Variants in SLC4A10 observed in about 807,000 individuals in gnomAD.
SLC4A10 encodes sodium-driven chloride bicarbonate exchanger.
A neutral mutation model predicts 137.7 loss-of-function variants in SLC4A10; 42 were observed. The ratio of observed to expected loss-of-function variants is 0.30; its 90% CI spans 0.24 to 0.39. SLC4A10 has a LOEUF of 0.39. SLC4A10 is among the 10% of genes least tolerant of loss of function. SLC4A10 has a pLI of 1.00. For synonymous variants in SLC4A10, 474 were observed against 464.1 expected (o/e 1.02, Z -0.27); for missense variants, 925 against 1,355.0 (o/e 0.68, Z 4.98).
rs774783520 is a variant in SLC4A10 at position 161,740,290 on chromosome 2, G to A, written c.49-30683G>A. Reference sequence around the variant, plus strand: ...TCCATCAGCTCCTCACACAATTCCAGAGTCAGTCCTAGTACACAAGTCCAG... The same window carrying A: ...TCCATCAGCTCCTCACACAATTCCAAAGTCAGTCCTAGTACACAAGTCCAG... On this transcript the variant is annotated intron_variant, in intron 1 of 26. Transcript: ENST00000446997. Among the ~76,000 whole-genome samples the A allele has an allele frequency of 5.9e-5, 9 of 152,230 alleles. 1 individual carries two copies. The highest frequency in any genetic ancestry group is 4.2e-4 in the South Asian group (2 of 4,816).
At chr2:161,767,989 G>A (rs1048113293) in intron 1 of SLC4A10, among the ~76,000 whole-genome samples, 4 of 151,966 alleles carry the variant, frequency 2.6e-5, no homozygotes, top group Admixed American at 6.6e-5. Flanking sequence ...TTAGATCAGA[G>A]TCATATTCTT....
chr2:161,674,042 T>A (rs2040024660), intron 1 of SLC4A10, among the ~76,000 whole-genome samples: 1 of 152,136 alleles, frequency 6.6e-6, no homozygotes, highest in Admixed American at 6.6e-5. Flanking sequence ...AATCCACATT[T>A]AAAAATAGGT....
chr2:161,819,548 G>T (rs1053412695), intron 3 of SLC4A10, among the ~76,000 whole-genome samples: 1 of 151,292 alleles, frequency 6.6e-6, no homozygotes, highest in African/African-American at 2.4e-5. Context: ...AGGCTGCAGT[G>T]CTGTAGCACA....
chr2:161,708,532 T>C (rs1257502987), intron 1 of SLC4A10, among the ~76,000 whole-genome samples: 1 of 151,572 alleles, frequency 6.6e-6, no homozygotes, highest in East Asian at 1.9e-4. Context: ...GCTTACAGTT[T>C]TCAGACAGCA....
chr2:161,722,246 G>T (rs1423180452), intron 1 of SLC4A10, among the ~76,000 whole-genome samples: 2 of 152,182 alleles, frequency 1.3e-5, no homozygotes, highest in African/African-American at 2.4e-5. Flanking sequence ...GTGATCATTT[G>T]GAGGAGAGAG....
chr2:161,708,717 G>T (rs1398402945), intron 1 of SLC4A10: 2 of 1,528,078 alleles, frequency 1.3e-6, no homozygotes, highest in East Asian at 4.9e-5. Context: ...GAGACATAGA[G>T]ATGGCTGTGA....
intron 3 of SLC4A10, among the ~76,000 whole-genome samples, chr2:161,833,927 T>A (rs528181457): frequency 6.6e-6 from 1 of 152,354 alleles, no homozygotes; most frequent in African/African-American, 2.4e-5. Context: ...GTTTGGTCAC[T>A]GAATGTGGCT....
intron 1 of SLC4A10, among the ~76,000 whole-genome samples, chr2:161,744,682 A>G (rs7561567): frequency 0.27 from 41,435 of 152,040 alleles, 7,299 homozygotes; most frequent in Non-Finnish European, 0.4. Flanking sequence ...CTGACTGTAA[A>G]CGCAAACAAA....
At chr2:161,899,890 A>C (rs1009352307) in intron 11 of SLC4A10, among the ~76,000 whole-genome samples, 13 of 152,134 alleles carry the variant, frequency 8.5e-5, no homozygotes, top group African/African-American at 3.1e-4. Context: ...ATATTAAGCA[A>C]TAAACTTTCT....
chr2:161,690,453 C>T (rs1472718761), intron 1 of SLC4A10, among the ~76,000 whole-genome samples: 1 of 152,070 alleles, frequency 6.6e-6, no homozygotes, highest in Non-Finnish European at 1.5e-5. Context: ...GCTACATACC[C>T]AAAGGAATAT....
At chr2:161,696,472 C>A (rs1452932602) in intron 1 of SLC4A10, among the ~76,000 whole-genome samples, 8 of 89,326 alleles carry the variant, frequency 9.0e-5, no homozygotes, top group African/African-American at 3.8e-4. Flanking sequence ...CACCCCACAA[C>A]AGTCCCCAGA....
intron 15 of SLC4A10, among the ~76,000 whole-genome samples, chr2:161,912,196 T>C (rs192230702): frequency 3.3e-5 from 5 of 152,292 alleles, no homozygotes; most frequent in Admixed American, 3.3e-4. Context: ...TTACTCTTCG[T>C]ATCTACTTTC....
At chr2:161,905,588 A>G (rs896353738) in intron 14 of SLC4A10, 54 bp from the exon 15 acceptor site, 6 of 1,527,530 alleles carry the variant, frequency 3.9e-6, no homozygotes, top group Non-Finnish European at 4.4e-6. Flanking sequence ...TTAAAATGAT[A>G]GCAAGCTGTT....
intron 15 of SLC4A10, among the ~76,000 whole-genome samples, chr2:161,934,571 G>A (rs1691227916): frequency 1.3e-5 from 2 of 151,862 alleles, no homozygotes; most frequent in Non-Finnish European, 2.9e-5. Flanking sequence ...TCATCTGTTG[G>A]TGAATACTTA....
Position 161,845,911 on chromosome 2 carries a change from A to G in SLC4A10, c.416+5984A>G, listed in dbSNP as rs2059462250. On this transcript the variant is annotated intron_variant, in intron 4 of 26. Transcript: ENST00000446997. Reference sequence around the variant, plus strand: ...ATATTAGATAAAATCTTCAGGACCTAGGGCTAGGTGGCAAGTTTTTAGACA... The same window carrying G: ...ATATTAGATAAAATCTTCAGGACCTGGGGCTAGGTGGCAAGTTTTTAGACA... Among the ~76,000 whole-genome samples the G allele has an allele frequency of 2.6e-5, 4 of 152,280 alleles. No individual in the cohort carries two copies. The South Asian group carries it at 6.2e-4, about 24-fold the overall frequency.
intron 3 of SLC4A10, among the ~76,000 whole-genome samples, chr2:161,825,124 A>G (rs1032179242): frequency 6.6e-6 from 1 of 152,216 alleles, no homozygotes; most frequent in Admixed American, 6.5e-5. Flanking sequence ...TGACTATGTT[A>G]TCATTAAGGC....
rs1233137183 is a variant in SLC4A10, at chr2:161,965,107, A to C, written c.3093A>C (p.Glu1031Asp). 3 of 1,612,754 alleles carry C rather than the reference A, an allele frequency of 1.9e-6. No homozygotes were observed. The South Asian group carries it at 3.3e-5, about 18-fold the overall frequency. Reference sequence around the variant, plus strand: ...TGGACTTGTTGTTCACGAAGCGGGAACTCAGCTGGTTGGATGATTTGATGC... The same window carrying C: ...TGGACTTGTTGTTCACGAAGCGGGACCTCAGCTGGTTGGATGATTTGATGC... Reference protein sequence around the residue: ...KLMDLLFTKRELSWLDDLMPE... With the variant: ...KLMDLLFTKRDLSWLDDLMPE... The change falls in exon 23 of 27, where the codon GAA (glutamate) becomes GAC (aspartate). Residue 1031 changes from glutamate (E) to aspartate (D), a missense_variant. Around this residue, in one of 11 missense-constraint regions of SLC4A10, gnomAD observed 115 missense variants for 237.5 expected, o/e 0.48. Transcript: ENST00000446997.
chr2:161,659,412 G>A (rs1467915159), intron 1 of SLC4A10, among the ~76,000 whole-genome samples: 2 of 152,164 alleles, frequency 1.3e-5, no homozygotes, highest in African/African-American at 4.8e-5. Flanking sequence ...GGGAGTGAGT[G>A]ATGAGAAATT....
intron 15 of SLC4A10, among the ~76,000 whole-genome samples, chr2:161,936,958 T>C (rs563267130): frequency 9.2e-5 from 14 of 152,332 alleles, no homozygotes; most frequent in African/African-American, 2.6e-4. Context: ...TTGATGTAAG[T>C]GTTTATTGCC....
Sources: gnomAD v4.1 joint callset for allele counts (sites outside exome capture counted in the v4.1 genomes callset) on GRCh38, gnomAD v4.1.1 for gene constraint, gnomAD v4.1.1 regional missense constraint, MANE v1.5 for transcripts, NCBI Gene and HGNC (gene_info 2026-07-23, HGNC 2026-07-21) for gene names.